Variants in STK32C observed in about 807,000 individuals in gnomAD.
The protein encoded by STK32C is serine/threonine kinase 32C.
STK32C carries 31 observed loss-of-function variants against 56.5 expected under a neutral mutation model. The observed-to-expected ratio is 0.55, with a 90% CI of 0.41 to 0.74. The LOEUF is 0.74. STK32C is among the 30% of genes least tolerant of loss of function. The pLI is 0.00. For synonymous variants in STK32C, 309 were observed against 289.4 expected (o/e 1.07, Z -0.69); for missense variants, 544 against 676.9 (o/e 0.80, Z 2.18).
At chr10:132,238,896 G>C (rs974490613) in intron 2 of STK32C, among the ~76,000 whole-genome samples, 9 of 152,180 alleles carry the variant, frequency 5.9e-5, no homozygotes, top group African/African-American at 2.2e-4. Context: ...CACACACAGA[G>C]GAGCGGGCAC....
intron 1 of STK32C, among the ~76,000 whole-genome samples, chr10:132,253,500 AGG>A (rs1393782802): frequency 1.3e-5 from 1 of 77,874 alleles, no homozygotes; most frequent in African/African-American, 7.1e-5. Flanking sequence ...GAGGGAGTCG[AGG>A]GAGCTGAGGG....
chr10:132,331,621 A>G (rs752277575), exon 1 of STK32C: 7 of 1,612,902 alleles, frequency 4.3e-6, no homozygotes, highest in Non-Finnish European at 5.1e-6. Flanking sequence ...CGGGAAGGAC[A>G]GGCAGCGAGG....
rs533362293 is a variant in STK32C at position 132,250,777 on chromosome 10, C to T, written c.263-4822G>A. On this transcript the variant is annotated intron_variant, in intron 1 of 11. Coordinates refer to ENST00000298630, the MANE Select transcript of STK32C (RefSeq NM_173575.4). The stretch of plus-strand genomic sequence containing the variant: ...TCCGCCTGGCTTTCCATCGGCAGCA[C>T]GGAAGTCGGAGACCGTTCTAGGCAA... Among the ~76,000 whole-genome samples the T allele has an allele frequency of 2.0e-3, 299 of 152,342 alleles. 5 individuals carry two copies. The highest frequency in any genetic ancestry group is 2.5e-3 in the Non-Finnish European group (172 of 68,022).
intron 1 of STK32C, among the ~76,000 whole-genome samples, chr10:132,306,355 A>T (rs1028735578): frequency 1.3e-5 from 2 of 152,274 alleles, no homozygotes; most frequent in African/African-American, 4.8e-5. Flanking sequence ...GTTAAAAACA[A>T]AAACATTTCT....
intron 1 of STK32C, among the ~76,000 whole-genome samples, chr10:132,270,371 C>G (rs2064775978): frequency 6.6e-6 from 1 of 152,256 alleles, no homozygotes; most frequent in African/African-American, 2.4e-5. Context: ...ACAAGTGAAG[C>G]ACGGGCCCAC....
chr10:132,237,130 G>A (rs1363348081), intron 2 of STK32C, among the ~76,000 whole-genome samples: 6 of 152,174 alleles, frequency 3.9e-5, no homozygotes, highest in African/African-American at 1.4e-4. Context: ...CTGGGTGGGC[G>A]GTTTCATTTT....
chr10:132,254,871 G>A (rs2064051470), intron 1 of STK32C, among the ~76,000 whole-genome samples: 1 of 152,168 alleles, frequency 6.6e-6, no homozygotes. Flanking sequence ...GATGTCTTTG[G>A]AGGCCCGGGA....
At chr10:132,228,153 A>G (rs2062960812) in intron 2 of STK32C, 25 bp from the exon 3 acceptor site, 3 of 1,612,932 alleles carry the variant, frequency 1.9e-6, no homozygotes, top group Non-Finnish European at 2.5e-6. Flanking sequence ...GCTGTTCGGC[A>G]GGACGCCTGA....
At chr10:132,249,731 AG>A (rs2063830696) in intron 1 of STK32C, among the ~76,000 whole-genome samples, 1 of 151,986 alleles carries the variant, frequency 6.6e-6, no homozygotes, top group Non-Finnish European at 1.5e-5. Flanking sequence ...TCCCGACCCC[AG>A]CCCCAAAGGC....
At chr10:132,211,540 A>C (rs1287294052) in intron 10 of STK32C, among the ~76,000 whole-genome samples, 1 of 152,212 alleles carries the variant, frequency 6.6e-6, no homozygotes, top group Non-Finnish European at 1.5e-5. Flanking sequence ...TAGATGTGTG[A>C]CCACGACCCC....
chr10:132,304,362 G>A (rs776910031), intron 1 of STK32C, among the ~76,000 whole-genome samples: 1 of 152,024 alleles, frequency 6.6e-6, no homozygotes, highest in Non-Finnish European at 1.5e-5. Context: ...CACAGTTCAC[G>A]GGTGTGGGGC....
chr10:132,272,992 G>T (rs1005122072), intron 1 of STK32C, among the ~76,000 whole-genome samples: 2 of 152,114 alleles, frequency 1.3e-5, no homozygotes, highest in Non-Finnish European at 2.9e-5. Context: ...CCCCAGAGCC[G>T]CACGCTTTGC....
At chr10:132,244,295 G>A (rs1361162539) in intron 2 of STK32C, among the ~76,000 whole-genome samples, 1 of 152,188 alleles carries the variant, frequency 6.6e-6, no homozygotes, top group East Asian at 1.9e-4. Context: ...CCTGTTCCCC[G>A]CATTCCACAG....
chr10:132,267,192 C>A (rs946784286), intron 1 of STK32C, among the ~76,000 whole-genome samples: 1 of 152,248 alleles, frequency 6.6e-6, no homozygotes, highest in Non-Finnish European at 1.5e-5. Context: ...GCAGTAGCAG[C>A]CCCTTTAGAA....
intron 1 of STK32C, among the ~76,000 whole-genome samples, chr10:132,287,578 A>G (rs1485308081): frequency 1.3e-5 from 2 of 151,484 alleles, no homozygotes; most frequent in African/African-American, 4.8e-5. Context: ...CAGCCTCCCA[A>G]GTAGCTGGGA....
At chr10:132,283,530 A>T (rs892510398) in intron 1 of STK32C, among the ~76,000 whole-genome samples, 1 of 152,190 alleles carries the variant, frequency 6.6e-6, no homozygotes, top group Non-Finnish European at 1.5e-5. Context: ...GCCTCTAGAA[A>T]GGCAGATTCC....
intron 1 of STK32C, among the ~76,000 whole-genome samples, chr10:132,289,442 T>G (rs992972648): frequency 6.6e-6 from 1 of 152,220 alleles, no homozygotes; most frequent in African/African-American, 2.4e-5. Context: ...GTTAAACTCC[T>G]ACAACTTAAT....
intron 2 of STK32C, among the ~76,000 whole-genome samples, chr10:132,230,679 CGG>C (rs377544275): frequency 0.03 from 1,474 of 49,710 alleles, 105 homozygotes; most frequent in African/African-American, 0.05. Context: ...GGGAAGCTGG[CGG>C]GGGGGGGGGG....
chr10:132,315,719 A>T (rs573588689), intron 1 of STK32C, among the ~76,000 whole-genome samples: 35 of 152,358 alleles, frequency 2.3e-4, no homozygotes, highest in Middle Eastern at 3.4e-3. Flanking sequence ...AAGCAAGTTG[A>T]CCTGATCGAC....
Sources: gnomAD v4.1 joint callset for allele counts (sites outside exome capture counted in the v4.1 genomes callset) on GRCh38, gnomAD v4.1.1 for gene constraint, MANE v1.5 for transcripts, NCBI Gene and HGNC (gene_info 2026-07-23, HGNC 2026-07-21) for gene names.